Variants in SMURF1 observed in about 807,000 individuals in gnomAD.
SMURF1 encodes the protein SMAD specific E3 ubiquitin protein ligase 1.
In SMURF1, 44 loss-of-function variants were observed where a neutral mutation model predicts 98.0. The observed-to-expected ratio is 0.45, with a 90% CI of 0.35 to 0.58. The LOEUF is 0.58. Among genes scored for constraint, SMURF1 ranks in the 20% least tolerant of loss-of-function variants. The pLI is 0.00. For missense variants in SMURF1, 687 were observed against 938.4 expected (o/e 0.73, Z 3.50); for synonymous variants, 396 against 374.9 (o/e 1.06, Z -0.65).
chr7:99,060,751 C>G, intron 2 of SMURF1, 44 bp from the exon 3 acceptor site: 1 of 1,289,106 alleles, frequency 7.8e-7, no homozygotes, highest in Non-Finnish European at 1.1e-6. Flanking sequence ...ACCTCACATC[C>G]ATCCATGTGA....
chr7:99,091,256 C>T (rs1298087742), intron 1 of SMURF1, among the ~76,000 whole-genome samples: 4 of 152,104 alleles, frequency 2.6e-5, no homozygotes, highest in Non-Finnish European at 4.4e-5. Context: ...TTTATTTATG[C>T]GGATCTGAAA....
intron 3 of SMURF1, 84 bp downstream of exon 3, chr7:99,060,515 T>A (rs1796006887): frequency 1.2e-6 from 1 of 819,616 alleles, no homozygotes; most frequent in Non-Finnish European, 1.8e-6. Flanking sequence ...TCCTTTTTTT[T>A]TTTTTCTCTT....
intron 1 of SMURF1, among the ~76,000 whole-genome samples, chr7:99,106,430 G>A (rs1038628100): frequency 3.3e-5 from 5 of 152,166 alleles, no homozygotes; most frequent in Non-Finnish European, 4.4e-5. Flanking sequence ...TCCTTTTATG[G>A]TCTGAATGTG....
In SMURF1 at chr7:99,057,423, G is replaced by C. The variant is rs1332599018; in HGVS notation, c.332C>G (p.Thr111Ser). 8 of 1,611,994 alleles carry C rather than the reference G, an allele frequency of 5.0e-6. No homozygotes were observed. The highest frequency in any genetic ancestry group is 1.3e-5 in the African/African-American group (1 of 74,774). ...LSNAISRLKD[T>S]GYQRLDLCKL... The stretch of plus-strand genomic sequence containing the variant: ...GGAAAGTGTTTGGTTCTTACATCCG[G>C]TATCTTTTAATCTGCTGATGGCATT... Residue 111 changes from threonine (T) to serine (S), a missense_variant, in exon 4 of 18, where the codon ACC (threonine) becomes AGC (serine). This residue lies in a region of SMURF1 where 415 missense variants were observed against 508.4 expected (regional missense o/e 0.82). Coordinates refer to ENST00000361368, the MANE Select transcript of SMURF1 (RefSeq NM_181349.3).
intron 1 of SMURF1, among the ~76,000 whole-genome samples, chr7:99,090,862 C>T (rs937376234): frequency 1.3e-5 from 2 of 152,268 alleles, no homozygotes; most frequent in South Asian, 4.2e-4. Flanking sequence ...GGAAATGCTG[C>T]GGGCAGAATT....
chr7:99,112,284 C>T (rs760862291), intron 1 of SMURF1, among the ~76,000 whole-genome samples: 2 of 152,138 alleles, frequency 1.3e-5, no homozygotes, highest in Non-Finnish European at 2.9e-5. Flanking sequence ...ACCTTGAAGG[C>T]GTGCCTCACA....
chr7:99,057,605 G>GTTTTTTTTTTTTTTTT (rs548576398), intron 3 of SMURF1, 54 bp from the exon 4 acceptor site: 7 of 1,105,176 alleles, frequency 6.3e-6, no homozygotes, highest in Non-Finnish European at 8.1e-6. Context: ...TTTTTGTTTT[G>GTTTTTTTTTTTTTTTT]TTTTTTTTTT....
chr7:99,029,800 C>T lies in SMURF1; in HGVS notation c.*784G>A, dbSNP rs190655030. 5 of 152,292 alleles carry T rather than the reference C, an allele frequency of 3.3e-5. No homozygotes were observed. In the East Asian group the frequency reaches 7.7e-4, roughly 23 times the overall value. The allele number at this position is 152,292 out of a possible 1,614,324, so 9.4% of individuals were successfully genotyped here. On this transcript the variant is annotated 3_prime_UTR_variant, in exon 18 of 18. Transcript: ENST00000361368. ...GCTGATTTTGGTCTGCTCTTTCCTA[C>T]ACTCCATGACATGGTGTTTTCACTG...
chr7:99,125,776 C>A (rs906545494), intron 1 of SMURF1, among the ~76,000 whole-genome samples: 1 of 152,216 alleles, frequency 6.6e-6, no homozygotes, highest in Admixed American at 6.5e-5. Context: ...ATCCTCAGGG[C>A]ATGAAAGGAA....
At chr7:99,140,611 C>T (rs1311753634) in intron 1 of SMURF1, among the ~76,000 whole-genome samples, 1 of 151,918 alleles carries the variant, frequency 6.6e-6, no homozygotes, top group African/African-American at 2.4e-5. Flanking sequence ...CTAGTAGAGA[C>T]GGGGTTTCAC....
chr7:99,103,214 T>C (rs935490350), intron 1 of SMURF1, among the ~76,000 whole-genome samples: 1 of 152,164 alleles, frequency 6.6e-6, no homozygotes, highest in African/African-American at 2.4e-5. Context: ...AATAGAGACA[T>C]GGAGCTTCTA....
chr7:99,105,139 C>A (rs187830286), intron 1 of SMURF1, among the ~76,000 whole-genome samples: 2 of 152,206 alleles, frequency 1.3e-5, no homozygotes, highest in Non-Finnish European at 2.9e-5. Flanking sequence ...TGCACATGCA[C>A]GTGAATAAGC....
chr7:99,070,458 C>T (rs542170005), intron 1 of SMURF1, among the ~76,000 whole-genome samples: 45 of 152,284 alleles, frequency 3.0e-4, no homozygotes, highest in South Asian at 1.2e-3. Context: ...TACATTAATG[C>T]GGCATCATCA....
intron 1 of SMURF1, among the ~76,000 whole-genome samples, chr7:99,102,986 G>A (rs546255693): frequency 6.6e-6 from 1 of 151,208 alleles, no homozygotes; most frequent in African/African-American, 2.4e-5. Context: ...CTATCTTTAG[G>A]GGAAATAGGT....
chr7:99,121,183 T>C (rs564434344), intron 1 of SMURF1: 1 of 136,690 alleles, frequency 7.3e-6, no homozygotes, highest in African/African-American at 2.7e-5. Context: ...TTCCCAAATA[T>C]GTCAATTTAG....
chr7:99,071,869 T>C (rs1796331721), intron 1 of SMURF1, among the ~76,000 whole-genome samples: 1 of 151,202 alleles, frequency 6.6e-6, no homozygotes, highest in Middle Eastern at 3.4e-3. Flanking sequence ...AGCCCAGGAG[T>C]TGGAGACCAC....
intron 16 of SMURF1, 153 bp downstream of exon 16, chr7:99,035,362 C>A: frequency 1.0e-6 from 1 of 983,814 alleles, no homozygotes; most frequent in Admixed American, 2.4e-5. Context: ...CAGGTAACCA[C>A]CTCTGTAGGG....
At chr7:99,133,869 C>T (rs978261968) in intron 1 of SMURF1, among the ~76,000 whole-genome samples, 5 of 152,140 alleles carry the variant, frequency 3.3e-5, no homozygotes, top group African/African-American at 1.2e-4. Context: ...ATAAATCTCA[C>T]AAAAATAACA....
chr7:99,094,254 A>T (rs1476170198), intron 1 of SMURF1, among the ~76,000 whole-genome samples: 1 of 152,250 alleles, frequency 6.6e-6, no homozygotes, highest in Non-Finnish European at 1.5e-5. Context: ...GAATGTCTCT[A>T]TTAATTGAAA....
Sources: allele counts gnomAD v4.1 joint callset (sites outside exome capture counted in the v4.1 genomes callset), GRCh38; gene constraint gnomAD v4.1.1; regional missense constraint gnomAD v4.1.1; transcripts MANE v1.5; gene names NCBI Gene and HGNC (gene_info 2026-07-23, HGNC 2026-07-21).